NLGN1: variants seen among roughly 807,000 people sequenced by gnomAD.
NLGN1 encodes neuroligin-1.
A neutral mutation model predicts 65.5 loss-of-function variants in NLGN1; 12 were observed. That is an observed-to-expected ratio of 0.18 (90% CI 0.12 to 0.30). NLGN1 has a LOEUF of 0.30. NLGN1 is among the 10% of genes least tolerant of loss of function. The pLI is 1.00. For synonymous variants in NLGN1, 350 were observed against 359.5 expected, an observed-to-expected ratio of 0.97 and a Z score of 0.30; for missense variants, 750 against 1,007.1, an observed-to-expected ratio of 0.74 and a Z score of 3.46.
intron 2 of NLGN1, among the ~76,000 whole-genome samples, chr3:173,547,402 G>C (rs1343297326): frequency 6.6e-6 from 1 of 152,060 alleles, no homozygotes; most frequent in East Asian, 1.9e-4. Context: ...GAATGTTATC[G>C]GGTCATTATG....
At chr3:173,444,771 T>C (rs1719871117) in intron 2 of NLGN1, among the ~76,000 whole-genome samples, 1 of 147,872 alleles carries the variant, frequency 6.8e-6, no homozygotes, top group Non-Finnish European at 1.5e-5. Context: ...TGTATATACA[T>C]GTGTATATAT....
chr3:173,686,461 G>A (rs1465534912), intron 3 of NLGN1, among the ~76,000 whole-genome samples: 5 of 152,136 alleles, frequency 3.3e-5, no homozygotes, highest in Non-Finnish European at 5.9e-5. Flanking sequence ...TGACTCTAAT[G>A]GGAAGAAAAT....
intron 3 of NLGN1, among the ~76,000 whole-genome samples, chr3:173,768,149 T>A (rs1484418043): frequency 6.6e-6 from 1 of 152,166 alleles, no homozygotes; most frequent in Non-Finnish European, 1.5e-5. Context: ...AGGTAACCAA[T>A]ATATATTATA....
At chr3:173,647,184 A>C (rs1157038923) in intron 3 of NLGN1, among the ~76,000 whole-genome samples, 1 of 152,168 alleles carries the variant, frequency 6.6e-6, no homozygotes, top group Non-Finnish European at 1.5e-5. Context: ...GAGCTTCAAA[A>C]TACATAAATC....
rs1038053266 is a variant in NLGN1, at chr3:174,244,534, G to A, written c.647-30781G>A. Among the ~76,000 whole-genome samples, 3 of 152,230 alleles carry A rather than the reference G, an allele frequency of 2.0e-5. No homozygotes were observed. The South Asian group carries it at 6.2e-4, about 32-fold the overall frequency. The stretch of plus-strand genomic sequence containing the variant: ...TAATTATTACTTTATTGAAGAAAAT[G>A]CCCTTTAATACTAAGTACAAGAGAA... On this transcript the variant is annotated intron_variant, in intron 4 of 6. Transcript: ENST00000457714.
intron 3 of NLGN1, among the ~76,000 whole-genome samples, chr3:173,659,275 G>C (rs4630967): frequency 6.6e-6 from 1 of 151,962 alleles, no homozygotes; most frequent in Non-Finnish European, 1.5e-5. Flanking sequence ...ATACTCAATG[G>C]TGATGTATAA....
At chr3:174,013,529 A>G (rs1359881279) in intron 4 of NLGN1, among the ~76,000 whole-genome samples, 1 of 152,252 alleles carries the variant, frequency 6.6e-6, no homozygotes, top group Non-Finnish European at 1.5e-5. Flanking sequence ...ACAATGGGTC[A>G]ACTTCAGATT....
chr3:173,898,291 A>G (rs559781647), intron 4 of NLGN1, among the ~76,000 whole-genome samples: 49 of 152,200 alleles, frequency 3.2e-4, no homozygotes, highest in Non-Finnish European at 6.9e-4. Context: ...AAGAGTTTTG[A>G]TGTTCAGTTT....
intron 4 of NLGN1, among the ~76,000 whole-genome samples, chr3:173,847,664 G>C (rs1191523817): frequency 6.6e-6 from 1 of 152,140 alleles, no homozygotes; most frequent in Non-Finnish European, 1.5e-5. Flanking sequence ...CTGAGGGCAG[G>C]AGTTTGAGAC....
At chr3:173,553,149 G>A (rs1044958308) in intron 2 of NLGN1, among the ~76,000 whole-genome samples, 1 of 152,080 alleles carries the variant, frequency 6.6e-6, no homozygotes, top group African/African-American at 2.4e-5. Flanking sequence ...TGGAGGATTC[G>A]CCTTGAAAAT....
chr3:174,042,081 T>A (rs144870285), intron 4 of NLGN1, among the ~76,000 whole-genome samples: 7 of 152,056 alleles, frequency 4.6e-5, no homozygotes, highest in African/African-American at 1.2e-4. Flanking sequence ...ATTATTGGAC[T>A]TTTTTATTAT....
chr3:173,448,156 G>C (rs550294773), intron 2 of NLGN1, among the ~76,000 whole-genome samples: 11 of 152,090 alleles, frequency 7.2e-5, no homozygotes, highest in African/African-American at 2.4e-4. Flanking sequence ...CAAAGGGAAT[G>C]CTTCCAGTTT....
In NLGN1 at chr3:173,557,812, A is replaced by T. The variant is rs534689340; in HGVS notation, c.-320-46467A>T. Among the ~76,000 whole-genome samples the T allele has an allele frequency of 1.7e-4, 26 of 150,826 alleles. 1 individual carries two copies. Among genetic ancestry groups the T allele is most frequent in the East Asian group, 3.9e-4 (2 of 5,188 alleles). ...TCAATTGTCTATTAAACAAATTTTT[A>T]AAAAAGTATTTTATATTTACACATA... On this transcript the variant is annotated intron_variant, in intron 2 of 6. Coordinates refer to ENST00000457714, the Ensembl canonical transcript of NLGN1.
chr3:173,856,399 T>C (rs1397233170), intron 4 of NLGN1, among the ~76,000 whole-genome samples: 1 of 152,152 alleles, frequency 6.6e-6, no homozygotes, highest in Non-Finnish European at 1.5e-5. Context: ...ATAAACTGAA[T>C]GTTAAAAATC....
At chr3:173,950,485 A>G (rs1256688468) in intron 4 of NLGN1, among the ~76,000 whole-genome samples, 2 of 152,180 alleles carry the variant, frequency 1.3e-5, no homozygotes, top group Non-Finnish European at 2.9e-5. Flanking sequence ...AGGAGAGTTT[A>G]AGAAAATATA....
At position 173,628,715 on chromosome 3, in the gene NLGN1, A is replaced by G. The variant is rs1755186087; in HGVS notation, c.493+23624A>G. Among the ~76,000 whole-genome samples, 3 of 152,048 alleles carry G rather than the reference A, an allele frequency of 2.0e-5. No individual in the cohort carries two copies. The East Asian group carries it at 5.8e-4, about 29-fold the overall frequency. On this transcript the variant is annotated intron_variant, in intron 3 of 6. Coordinates refer to ENST00000457714, the Ensembl canonical transcript of NLGN1. The stretch of plus-strand genomic sequence containing the variant: ...TATGTTATTATTATTATTATTTGAA[A>G]TAGAGTCTTGCTTTGTTGCCCAGGC...
intron 3 of NLGN1, among the ~76,000 whole-genome samples, chr3:173,715,243 CTG>C (rs1769650029): frequency 6.6e-6 from 1 of 152,154 alleles, no homozygotes; most frequent in Admixed American, 6.6e-5. Context: ...GATCTGAACA[CTG>C]TGCCTTGTTT....
Position 174,265,825 on chromosome 3 carries a change from C to CTA in NLGN1, c.647-9480_647-9479dup, listed in dbSNP as rs527705776. Among the ~76,000 whole-genome samples the CTA allele has an allele frequency of 2.3e-3, 321 of 139,906 alleles. 3 individuals carry two copies. The highest frequency in any genetic ancestry group is 8.1e-3 in the African/African-American group (306 of 37,642). 91.8% of individuals were successfully genotyped at this position (139,906 alleles called of 152,430 possible). A position where few individuals can be genotyped will look rare whatever the true frequency, so the allele number is the denominator to read the frequency against. ...TAGCCAAAGTATTTTTATACAACAT[C>CTA]TATATATATATGTTGTCCTCTTAGT... On this transcript the variant is annotated intron_variant, in intron 4 of 6. Transcript: ENST00000457714.
At chr3:173,849,920 GTAATA>G (rs1726565864) in intron 4 of NLGN1, among the ~76,000 whole-genome samples, 1 of 151,976 alleles carries the variant, frequency 6.6e-6, no homozygotes, top group Non-Finnish European at 1.5e-5. Flanking sequence ...ATGTAATACA[GTAATA>G]TACTATAATA....
Sources: allele counts gnomAD v4.1 joint callset (sites outside exome capture counted in the v4.1 genomes callset), GRCh38; gene constraint gnomAD v4.1.1; transcripts MANE v1.5; gene names NCBI Gene and HGNC (gene_info 2026-07-23, HGNC 2026-07-21).